SYNPO: variants seen among roughly 807,000 people sequenced by gnomAD.
The protein encoded by SYNPO is synaptopodin.
A neutral mutation model predicts 49.5 loss-of-function variants in SYNPO; 19 were observed. The observed-to-expected ratio is 0.38, with a 90% CI of 0.27 to 0.56. The LOEUF (loss-of-function observed/expected upper bound fraction) is 0.56, where lower values mean the gene tolerates loss of function less well. Ranked by LOEUF, SYNPO falls within the 20% of genes least tolerant of loss-of-function variation. SYNPO has a pLI of 0.68. For missense variants in SYNPO, 1,131 were observed against 1,248.3 expected (o/e 0.91, Z 1.42); for synonymous variants, 536 against 548.0 (o/e 0.98, Z 0.31).
chr5:150,648,133 G>C lies in SYNPO; in HGVS notation c.-143G>C. 6.4e-7 allele frequency: 1 copy of C among 1,552,458 alleles called. No individual in the cohort carries two copies. Among genetic ancestry groups the C allele is most frequent in the Non-Finnish European group, 8.7e-7 (1 of 1,147,350 alleles). ...CACGGCCAGAGGGGACAGAAGCCCAGCCAGGAGTCCCTCAGAGTGCTCCCT... is the reference window on the plus strand; with the variant it reads ...CACGGCCAGAGGGGACAGAAGCCCACCCAGGAGTCCCTCAGAGTGCTCCCT... On this transcript the variant is annotated 5_prime_UTR_variant, in exon 2 of 3. Coordinates refer to ENST00000307662, the MANE Select transcript of SYNPO (RefSeq NM_007286.6). The surrounding 1 kb of genome is among the most constrained non-coding windows in gnomAD (Gnocchi z 5.0).
chr5:150,609,786 C>CTGG (rs1554107079), intron 1 of SYNPO, among the ~76,000 whole-genome samples: 14 of 105,358 alleles, frequency 1.3e-4, no homozygotes, highest in Non-Finnish European at 2.2e-4. Flanking sequence ...GTGAATGTGG[C>CTGG]GGGGGGGGGC....
chr5:150,655,359 TG>T (rs1387995459), intron 2 of SYNPO, among the ~76,000 whole-genome samples: 8 of 152,174 alleles, frequency 5.3e-5, no homozygotes, highest in Non-Finnish European at 1.5e-5. Flanking sequence ...GGTGACACTG[TG>T]GTCAGATGAG....
intron 2 of SYNPO, chr5:150,652,251 G>C (rs372917942): frequency 1.0e-6 from 1 of 1,000,342 alleles, no homozygotes; most frequent in African/African-American, 1.7e-5. Flanking sequence ...GGAAGAGCCC[G>C]CCCTTCATTC....
Position 150,650,298 on chromosome 5 carries a change from G to C in SYNPO, c.2023G>C (p.Ala675Pro). ...SFSTRNAGIE[A>P]QDRRESLPTS... is the part of the protein sequence containing the mutation. Reference sequence around the variant, plus strand: ...CTCTACCCGGAACGCCGGGATCGAGGCTCAGGTGTGGAAGCCTTCCTTCTG... The same window carrying C: ...CTCTACCCGGAACGCCGGGATCGAGCCTCAGGTGTGGAAGCCTTCCTTCTG... Residue 675 changes from alanine (A) to proline (P), a missense_variant, in exon 2 of 3, where the codon GCT becomes CCT. Physicochemically the swap from Ala to Pro is conservative, Grantham distance 27. Transcript: ENST00000307662. The C allele has an allele frequency of 1.2e-6, 2 of 1,614,132 alleles. No homozygotes were observed. Among genetic ancestry groups the C allele is most frequent in the Non-Finnish European group, 1.7e-6 (2 of 1,180,032 alleles).
intron 1 of SYNPO, among the ~76,000 whole-genome samples, chr5:150,612,961 A>G (rs994866508): frequency 7.2e-5 from 11 of 152,000 alleles, no homozygotes; most frequent in Admixed American, 5.9e-4. Flanking sequence ...AATGTTTTGT[A>G]GAGACGGGGG....
chr5:150,597,156 G>A (rs1045359973), upstream of SYNPO, among the ~76,000 whole-genome samples: 5 of 152,090 alleles, frequency 3.3e-5, no homozygotes, highest in Admixed American at 1.3e-4. Flanking sequence ...TCCATTTAAC[G>A]CCTCTTACTC....
In SYNPO at chr5:150,657,398, G is replaced by A; in HGVS notation, c.*311G>A. ...CCTTCCCATCAGTACACACACCGAT[G>A]CACACACACTCTCTCTTTCTCTCTC... On this transcript the variant is annotated 3_prime_UTR_variant, in exon 3 of 3. Transcript: ENST00000307662. 2 of 329,586 alleles carry A rather than the reference G, an allele frequency of 6.1e-6. No homozygotes were observed. Among genetic ancestry groups the A allele is most frequent in the Non-Finnish European group, 1.1e-5 (2 of 175,278 alleles). 20.4% of individuals were successfully genotyped at this position (329,586 alleles called of 1,614,324 possible). A position where few individuals can be genotyped will look rare whatever the true frequency, so the allele number is the denominator to read the frequency against.
At chr5:150,635,916 C>T (rs117099631), upstream of SYNPO, among the ~76,000 whole-genome samples, 3 of 152,298 alleles carry the variant, frequency 2.0e-5, no homozygotes, top group East Asian at 1.9e-4. Flanking sequence ...CACCTTTTTC[C>T]GTTCTTTGCT....
At chr5:150,598,158 G>A (rs1756457631), upstream of SYNPO, among the ~76,000 whole-genome samples, 1 of 152,142 alleles carries the variant, frequency 6.6e-6, no homozygotes, top group African/African-American at 2.4e-5. Context: ...CGCCCACAGA[G>A]AAACACACAC....
chr5:150,621,869 G>A (rs557489328), intron 2 of SYNPO, among the ~76,000 whole-genome samples: 3 of 152,280 alleles, frequency 2.0e-5, no homozygotes, highest in Non-Finnish European at 4.4e-5. Flanking sequence ...GGGAGGAAAG[G>A]GTAGTGTAGA....
exon 2 of SYNPO, chr5:150,618,765 C>T: frequency 6.4e-7 from 1 of 1,551,176 alleles, no homozygotes; most frequent in South Asian, 1.2e-5. Context: ...GCCCAGAAAC[C>T]AGGTAAGCTT....
chr5:150,634,158 G>C (rs904460576), intron 2 of SYNPO, among the ~76,000 whole-genome samples: 2 of 152,158 alleles, frequency 1.3e-5, no homozygotes, highest in Non-Finnish European at 2.9e-5. Flanking sequence ...AACCCCTTCG[G>C]GAGCCTGTTA....
At chr5:150,593,992 T>C in the SYNPO span, among the ~76,000 whole-genome samples, 1 of 151,890 alleles carries the variant, frequency 6.6e-6, no homozygotes, top group Non-Finnish European at 1.5e-5. Context: ...CAAAGTGAGG[T>C]GATAATGAAG....
chr5:150,628,386 A>ATG (rs1363895519), intron 2 of SYNPO, among the ~76,000 whole-genome samples: 2 of 152,198 alleles, frequency 1.3e-5, no homozygotes, highest in Non-Finnish European at 2.9e-5. Context: ...GGCATGCCTC[A>ATG]TGTGTGGCTA....
At chr5:150,586,420 G>C in the SYNPO span, among the ~76,000 whole-genome samples, 1 of 152,150 alleles carries the variant, frequency 6.6e-6, no homozygotes, top group African/African-American at 2.4e-5. Context: ...TCTTCCTCAG[G>C]GAAGCCCGCC....
intron 2 of SYNPO, among the ~76,000 whole-genome samples, chr5:150,625,644 T>C (rs253347): frequency 0.62 from 94,130 of 152,134 alleles, 30,807 homozygotes; most frequent in African/African-American, 0.84. Flanking sequence ...AGTGGAGGGC[T>C]CGGCTCCTTT....
chr5:150,632,060 C>T (rs145067428), intron 2 of SYNPO, among the ~76,000 whole-genome samples: 302 of 152,290 alleles, frequency 2.0e-3, no homozygotes, highest in African/African-American at 6.6e-3. Flanking sequence ...GCCAAAACCC[C>T]GGGATGGCAG....
chr5:150,607,841 C>G (rs1223327644), intron 1 of SYNPO, among the ~76,000 whole-genome samples: 9 of 151,054 alleles, frequency 6.0e-5, no homozygotes, highest in Admixed American at 5.3e-4. Flanking sequence ...TTTATTTAAA[C>G]TCCAAATAGC....
At chr5:150,601,918 C>T (rs948477674) in intron 1 of SYNPO, among the ~76,000 whole-genome samples, 9 of 152,364 alleles carry the variant, frequency 5.9e-5, no homozygotes, top group African/African-American at 1.9e-4. Context: ...ATAACAATCT[C>T]GGCTCCCACA....
Sources: gnomAD v4.1 joint callset for allele counts (sites outside exome capture counted in the v4.1 genomes callset) on GRCh38, gnomAD v4.1.1 for gene constraint, Gnocchi (gnomAD v3.1) non-coding constraint, MANE v1.5 for transcripts, NCBI Gene and HGNC (gene_info 2026-07-23, HGNC 2026-07-21) for gene names.